The following DIAPH3 variants were observed in gnomAD, a reference collection of about 807,000 sequenced individuals.
DIAPH3 encodes the protein diaphanous related formin 3.
In DIAPH3, 117 loss-of-function variants were observed where a neutral mutation model predicts 144.3. That is an observed-to-expected ratio of 0.81 (90% CI 0.70 to 0.95). The LOEUF is 0.95. Among genes scored for constraint, DIAPH3 ranks in the 40% least tolerant of loss-of-function variants. DIAPH3 has a pLI of 0.00. For missense variants in DIAPH3, 1,421 were observed against 1,412.7 expected, an observed-to-expected ratio of 1.01 and a Z score of -0.09; for synonymous variants, 519 against 488.9, an observed-to-expected ratio of 1.06 and a Z score of -0.81.
intron 24 of DIAPH3, among the ~76,000 whole-genome samples, chr13:59,823,085 A>T (rs1342791926): frequency 6.6e-6 from 1 of 152,244 alleles, no homozygotes; most frequent in African/African-American, 2.4e-5. Context: ...TTCAGGGAAC[A>T]AACAAAATAC....
intron 18 of DIAPH3, among the ~76,000 whole-genome samples, chr13:59,921,732 A>C (rs2047529351): frequency 6.6e-6 from 1 of 152,234 alleles, no homozygotes; most frequent in East Asian, 1.9e-4. Context: ...AACTCACTCC[A>C]CAAGGCTGGC....
At chr13:60,058,030 C>CA (rs2056623372) in intron 4 of DIAPH3, among the ~76,000 whole-genome samples, 2 of 151,246 alleles carry the variant, frequency 1.3e-5, no homozygotes, top group African/African-American at 2.4e-5. Context: ...CAACAAAAAA[C>CA]AAAAAATAAA....
At chr13:59,819,764 T>TA (rs35803459) in intron 24 of DIAPH3, among the ~76,000 whole-genome samples, 98,412 of 147,328 alleles carry the variant, frequency 0.67, 32,859 homozygotes, top group East Asian at 0.72. Flanking sequence ...TTAGAAGTTG[T>TA]AAAAAAAAAA....
chr13:59,981,660 G>A (rs1448909318), intron 13 of DIAPH3, among the ~76,000 whole-genome samples: 1 of 150,960 alleles, frequency 6.6e-6, no homozygotes, highest in Non-Finnish European at 1.5e-5. Flanking sequence ...TTAAATGAAA[G>A]CGATACATGA....
intron 22 of DIAPH3, among the ~76,000 whole-genome samples, chr13:59,843,197 G>A (rs1198091181): frequency 1.3e-5 from 2 of 152,114 alleles, no homozygotes; most frequent in Non-Finnish European, 2.9e-5. Context: ...GAACCAGGGG[G>A]CAAAGACCAA....
chr13:59,850,191 G>A (rs1158660782), intron 22 of DIAPH3, among the ~76,000 whole-genome samples: 1 of 152,136 alleles, frequency 6.6e-6, no homozygotes, highest in Non-Finnish European at 1.5e-5. Flanking sequence ...CTTTGCTGAA[G>A]TTGCTTCTCA....
At chr13:60,009,383 G>A (rs2140941362) in intron 8 of DIAPH3, among the ~76,000 whole-genome samples, 1 of 151,436 alleles carries the variant, frequency 6.6e-6, no homozygotes, top group African/African-American at 2.4e-5. Flanking sequence ...GAATAGGGAA[G>A]GGAAAAGAAA....
At chr13:59,879,166 T>G in intron 21 of DIAPH3, 63 bp downstream of exon 21, 1 of 1,608,192 alleles carries the variant, frequency 6.2e-7, no homozygotes. Context: ...AATAATGCAA[T>G]CAGGGCTGAC....
chr13:59,929,115 T>C (rs548148315), intron 17 of DIAPH3, among the ~76,000 whole-genome samples: 1 of 152,298 alleles, frequency 6.6e-6, no homozygotes, highest in South Asian at 2.1e-4. Context: ...GAAATGTTCA[T>C]TGGAGCATTT....
At chr13:59,746,349 G>A (rs1255519789) in intron 27 of DIAPH3, among the ~76,000 whole-genome samples, 3 of 151,636 alleles carry the variant, frequency 2.0e-5, no homozygotes, top group Non-Finnish European at 2.9e-5. Flanking sequence ...TCAGCCTCCC[G>A]AGTAGCTGAG....
chr13:60,089,470 T>C (rs1231709988), intron 4 of DIAPH3, among the ~76,000 whole-genome samples: 1 of 152,196 alleles, frequency 6.6e-6, no homozygotes, highest in East Asian at 1.9e-4. Context: ...TAATTTCTAA[T>C]TCTTTTTTAT....
intron 9 of DIAPH3, among the ~76,000 whole-genome samples, chr13:59,994,054 G>T (rs1283879126): frequency 6.6e-6 from 1 of 151,718 alleles, no homozygotes; most frequent in Non-Finnish European, 1.5e-5. Context: ...GACAACAGTA[G>T]CATGAAATTT....
chr13:59,845,598 A>G (rs1041295520), intron 22 of DIAPH3, among the ~76,000 whole-genome samples: 1 of 152,182 alleles, frequency 6.6e-6, no homozygotes, highest in Admixed American at 6.5e-5. Context: ...CATACTGCTT[A>G]TAGTTCCCCT....
chr13:60,001,884 T>C (rs946155231), intron 9 of DIAPH3, among the ~76,000 whole-genome samples: 1 of 152,200 alleles, frequency 6.6e-6, no homozygotes, highest in African/African-American at 2.4e-5. Flanking sequence ...TGCAGGCAGT[T>C]ATCCCTACAA....
chr13:59,869,409 G>A (rs1232331129), intron 21 of DIAPH3, among the ~76,000 whole-genome samples: 1 of 152,190 alleles, frequency 6.6e-6, no homozygotes, highest in Non-Finnish European at 1.5e-5. Context: ...AACGTGTAAT[G>A]CAAGTTTTCC....
chr13:59,795,452 TCTC>T (rs1216761143), intron 25 of DIAPH3, among the ~76,000 whole-genome samples: 1 of 146,560 alleles, frequency 6.8e-6, no homozygotes, highest in African/African-American at 2.5e-5. Context: ...TCATTCTCTC[TCTC>T]TTTTTTTTTT....
In DIAPH3 at chr13:60,052,345, T is replaced by G. The variant is rs187568583; in HGVS notation, c.496-9525A>C. On this transcript the variant is annotated intron_variant, in intron 4 of 27. Transcript: ENST00000400324. ...ATCATATTTAGAAGTGGTATTTTAC[T>G]GTCCCAGGTGACTGAGATTGGGTGA... Among the ~76,000 whole-genome samples, 100 of 152,294 alleles carry G rather than the reference T, an allele frequency of 6.6e-4. No individual in the cohort carries two copies. The Middle Eastern group carries it at 0.01, about 16-fold the overall frequency.
intron 17 of DIAPH3, among the ~76,000 whole-genome samples, chr13:59,946,148 A>G (rs932725322): frequency 2.0e-5 from 3 of 152,164 alleles, no homozygotes. Flanking sequence ...TCATCTATTA[A>G]ATGAGAAAAT....
intron 9 of DIAPH3, 67 bp from the exon 10 acceptor site, chr13:59,992,650 C>A (rs1365565563): frequency 1.6e-6 from 2 of 1,264,324 alleles, no homozygotes; most frequent in African/African-American, 3.0e-5. Context: ...CAAACGTAAA[C>A]TTCAAGGTTT....
Sources: allele counts gnomAD v4.1 joint callset (sites outside exome capture counted in the v4.1 genomes callset), GRCh38; gene constraint gnomAD v4.1.1; transcripts MANE v1.5; gene names NCBI Gene and HGNC (gene_info 2026-07-23, HGNC 2026-07-21).